YES1: variants seen among roughly 807,000 people sequenced by gnomAD.
YES1 encodes YES proto-oncogene 1, Src family tyrosine kinase, also known as tyrosine-protein kinase Yes.
Under a neutral mutation model 70.4 loss-of-function variants are expected in YES1, and 39 were observed. The ratio of observed to expected loss-of-function variants is 0.55; its 90% CI spans 0.43 to 0.72. The LOEUF (loss-of-function observed/expected upper bound fraction) is 0.72. Ranked by LOEUF, YES1 falls within the 30% of genes least tolerant of loss-of-function variation. The pLI, the probability that YES1 is intolerant of heterozygous loss-of-function variation, is 0.00. For missense variants in YES1, 495 were observed against 644.8 expected, an observed-to-expected ratio of 0.77 and a Z score of 2.52; for synonymous variants, 198 against 218.6, an observed-to-expected ratio of 0.91 and a Z score of 0.83.
At chr18:803,751 A>T (rs1056093024) in intron 1 of YES1, among the ~76,000 whole-genome samples, 4 of 152,208 alleles carry the variant, frequency 2.6e-5, no homozygotes, top group Non-Finnish European at 2.9e-5. Context: ...CTACAGGTTC[A>T]CCCACCTCAT....
chr18:745,126 G>A (rs1319992247), intron 6 of YES1, among the ~76,000 whole-genome samples: 2 of 152,098 alleles, frequency 1.3e-5, no homozygotes, highest in African/African-American at 2.4e-5. Flanking sequence ...TATTAATCAT[G>A]TAAAGACTTT....
rs2079971155 is a variant in YES1 at position 722,884 on chromosome 18, A to G, written c.*1540T>C. The G allele has an allele frequency of 6.6e-6, 1 of 152,210 alleles. No homozygotes were observed. Among genetic ancestry groups the G allele is most frequent in the African/African-American group, 2.4e-5 (1 of 41,460 alleles). The allele number at this position is 152,210 out of a possible 1,614,324, so 9.4% of individuals were successfully genotyped here. A position where few individuals can be genotyped will look rare whatever the true frequency, so the allele number is the denominator to read the frequency against. ...GAGGCGGGCAGATCACAAGGTCAGG[A>G]GATCGAGACTATCCTGGCTAACACG... On this transcript the variant is annotated 3_prime_UTR_variant, in exon 12 of 12. Coordinates refer to ENST00000314574, the MANE Select transcript of YES1 (RefSeq NM_005433.4).
rs540729224 is a variant in YES1 at position 748,326 on chromosome 18, G to T, written c.372-308C>A. Among the ~76,000 whole-genome samples the T allele has an allele frequency of 4.0e-5, 6 of 150,470 alleles. No individual in the cohort carries two copies. In the East Asian group the frequency reaches 1.2e-3, roughly 30 times the overall value. The stretch of plus-strand genomic sequence containing the variant: ...GACGATAGTGAATAAAACAATTTGG[G>T]AGGTAAATCTTTCAAATTACTCAGT... On this transcript the variant is annotated intron_variant, in intron 3 of 11. Transcript: ENST00000314574.
At chr18:792,185 T>A (rs905083636) in intron 1 of YES1, among the ~76,000 whole-genome samples, 1 of 152,094 alleles carries the variant, frequency 6.6e-6, no homozygotes, top group African/African-American at 2.4e-5. Flanking sequence ...ATGCCTGTAA[T>A]CCCAGCTACT....
intron 1 of YES1, among the ~76,000 whole-genome samples, chr18:780,303 T>C (rs1015566035): frequency 3.3e-5 from 5 of 151,942 alleles, no homozygotes; most frequent in African/African-American, 1.2e-4. Flanking sequence ...TAAGAGGTGA[T>C]TGGATCATGA....
chr18:744,867 C>A (rs1029392508), intron 6 of YES1, among the ~76,000 whole-genome samples: 1 of 151,820 alleles, frequency 6.6e-6, no homozygotes, highest in African/African-American at 2.4e-5. Flanking sequence ...AGTCAGGGAA[C>A]CCTAGATTCA....
chr18:725,627 G>A (rs940546444), intron 11 of YES1, among the ~76,000 whole-genome samples: 2 of 152,116 alleles, frequency 1.3e-5, no homozygotes, highest in Non-Finnish European at 2.9e-5. Flanking sequence ...AGTGGCTCTC[G>A]TCTGTAATCC....
chr18:765,014 G>A (rs147566914), intron 1 of YES1, among the ~76,000 whole-genome samples: 23 of 151,932 alleles, frequency 1.5e-4, no homozygotes, highest in Admixed American at 1.1e-3. Context: ...GATTACAGGC[G>A]TGAGCCACCT....
At position 756,619 on chromosome 18, in the gene YES1, G is replaced by A. The variant is rs1366908527; in HGVS notation, c.209C>T (p.Pro70Leu). 2 of 1,614,004 alleles carry A rather than the reference G, an allele frequency of 1.2e-6. No individual in the cohort carries two copies. The highest frequency in any genetic ancestry group is 2.7e-5 in the African/African-American group (2 of 74,884). Residue 70 changes from proline to leucine, a missense_variant, in exon 2 of 12, where the codon CCT becomes CTT. Pro to Leu is a moderately conservative substitution (Grantham distance 98, BLOSUM62 -3). Coordinates refer to ENST00000314574, the MANE Select transcript of YES1 (RefSeq NM_005433.4). ...TPFGGSSGVT[P>L]FGGASSSFSV... The stretch of plus-strand genomic sequence containing the variant: ...AAATGAGGAAGATGCACCTCCAAAA[G>A]GCGTTACCCCTGAGGATCCTCCAAA...
chr18:731,877 G>C (rs1288580314), intron 11 of YES1, among the ~76,000 whole-genome samples: 1 of 145,238 alleles, frequency 6.9e-6, no homozygotes, highest in Non-Finnish European at 1.5e-5. Context: ...TGAGGCAGGA[G>C]AATGGCGTGA....
chr18:790,300 C>T (rs1175707187), intron 1 of YES1, among the ~76,000 whole-genome samples: 7 of 152,106 alleles, frequency 4.6e-5, no homozygotes, highest in African/African-American at 7.2e-5. Context: ...TGCTTGAACC[C>T]GAGAGGCGGA....
At chr18:804,913 C>CAAAAAAAAAACAA (rs1907016851) in intron 1 of YES1, among the ~76,000 whole-genome samples, 1 of 94,126 alleles carries the variant, frequency 1.1e-5, no homozygotes, top group African/African-American at 4.9e-5. Flanking sequence ...GACTCTGACT[C>CAAAAAAAAAACAA]AAAAAAAAAA....
chr18:770,442 C>T (rs1905102007), intron 1 of YES1, among the ~76,000 whole-genome samples: 8 of 152,098 alleles, frequency 5.3e-5, no homozygotes. Context: ...TCTGGCTTTA[C>T]AGTTTTACTC....
rs1372187858 is a variant in YES1, at chr18:797,839, T to G, written c.-9+14275A>C. The G allele has an allele frequency of 2.6e-5, 4 of 152,214 alleles. No individual in the cohort carries two copies. The East Asian group carries it at 5.8e-4, about 22-fold the overall frequency. The allele number at this position is 152,214 out of a possible 1,614,324, so 9.4% of individuals were successfully genotyped here. ...TCTCTTACTGGTAGGGCCCTGGAAG[T>G]ATCAGAAATACCTTTCAGAACCTTG... is the stretch of plus-strand genomic sequence containing the variant. On this transcript the variant is annotated intron_variant, in intron 1 of 11. Transcript: ENST00000314574.
chr18:738,332 G>A (rs2080176664), intron 9 of YES1: 1 of 152,036 alleles, frequency 6.6e-6, no homozygotes. Context: ...AAAGTCAGAA[G>A]AGTAAAAAAG....
In YES1 at chr18:784,054, C is replaced by G. The variant is rs74756964; in HGVS notation, c.-8-27219G>C. 1.4e-4 allele frequency among the ~76,000 whole-genome samples: 21 copies of G among 152,242 alleles called. No individual in the cohort carries two copies. In the East Asian group the frequency reaches 3.9e-3, roughly 28 times the overall value. ...CGACGGAATTTCCCCAAATTTCATA[C>G]TGGCAAAAAAATATTCATTTTAACA... is the stretch of plus-strand genomic sequence containing the variant. On this transcript the variant is annotated intron_variant, in intron 1 of 11. Transcript: ENST00000314574.
intron 1 of YES1, among the ~76,000 whole-genome samples, chr18:810,201 TTGAA>T: frequency 6.6e-6 from 1 of 152,340 alleles, no homozygotes; most frequent in South Asian, 2.1e-4. Context: ...AATTTCAACT[TTGAA>T]TAAGTAAGTC....
chr18:771,870 T>C (rs1905173527), intron 1 of YES1, among the ~76,000 whole-genome samples: 2 of 152,046 alleles, frequency 1.3e-5, no homozygotes, highest in African/African-American at 2.4e-5. Context: ...ATGTATCTGC[T>C]TGGTAAGTCT....
intron 1 of YES1, among the ~76,000 whole-genome samples, chr18:761,750 A>G (rs1904605040): frequency 6.6e-6 from 1 of 152,226 alleles, no homozygotes; most frequent in Admixed American, 6.5e-5. Flanking sequence ...CAATTCCACC[A>G]GCACCCCAGT....
Sources: allele counts gnomAD v4.1 joint callset (sites outside exome capture counted in the v4.1 genomes callset), GRCh38; gene constraint gnomAD v4.1.1; transcripts MANE v1.5; gene names NCBI Gene and HGNC (gene_info 2026-07-23, HGNC 2026-07-21).